The following ADGRL2 variants were observed in gnomAD, a reference collection of about 807,000 sequenced individuals.
ADGRL2 encodes the protein calcium-independent alpha-latrotoxin receptor 2.
A neutral mutation model predicts 157.4 loss-of-function variants in ADGRL2; 44 were observed. That is an observed-to-expected ratio of 0.28 (90% confidence interval 0.22 to 0.36). ADGRL2 has a LOEUF of 0.36. ADGRL2 is among the 10% of genes least tolerant of loss of function. The pLI is 1.00. For missense variants in ADGRL2, 1,510 were observed against 1,768.9 expected, an observed-to-expected ratio of 0.85 and a Z score of 2.63; for synonymous variants, 585 against 624.7, an observed-to-expected ratio of 0.94 and a Z score of 0.95.
chr1:81,577,031 G>A (rs571907242), intron 2 of ADGRL2, among the ~76,000 whole-genome samples: 1 of 152,222 alleles, frequency 6.6e-6, no homozygotes, highest in East Asian at 1.9e-4. Flanking sequence ...AAGCTCCTGA[G>A]AATCCTTCCA....
chr1:81,703,599 A>C (rs1226526853), intron 1 of ADGRL2, among the ~76,000 whole-genome samples: 1 of 152,190 alleles, frequency 6.6e-6, no homozygotes, highest in Admixed American at 6.5e-5. Flanking sequence ...AAAGGGTGGA[A>C]ATGACACAGA....
chr1:81,425,782 C>T (rs2077202504), intron 1 of ADGRL2, among the ~76,000 whole-genome samples: 1 of 151,946 alleles, frequency 6.6e-6, no homozygotes. Context: ...ATGGTGAGTA[C>T]CAGAAACTAT....
At chr1:81,488,778 G>T (rs954490660) in intron 2 of ADGRL2, among the ~76,000 whole-genome samples, 1 of 151,744 alleles carries the variant, frequency 6.6e-6, no homozygotes, top group Admixed American at 6.6e-5. Flanking sequence ...GAAAAGAATT[G>T]TCCCTCAAAG....
chr1:81,444,003 G>T (rs1472382086), intron 1 of ADGRL2, among the ~76,000 whole-genome samples: 2 of 152,148 alleles, frequency 1.3e-5, no homozygotes, highest in African/African-American at 4.8e-5. Context: ...CGATGCCCCG[G>T]TAAGTAGTGT....
intron 3 of ADGRL2, among the ~76,000 whole-genome samples, chr1:81,605,684 ATTTAG>A (rs1258197961): frequency 6.6e-6 from 1 of 152,182 alleles, no homozygotes; most frequent in African/African-American, 2.4e-5. Context: ...CCTTGCAGTG[ATTTAG>A]TTTATCTTGG....
intron 2 of ADGRL2, among the ~76,000 whole-genome samples, chr1:81,447,971 G>A (rs2077629370): frequency 6.6e-6 from 1 of 151,636 alleles, no homozygotes; most frequent in African/African-American, 2.4e-5. Context: ...CACCTCCCCT[G>A]TCTCTTCCTC....
At chr1:81,885,528 A>G (rs2094108604) in intron 2 of ADGRL2, among the ~76,000 whole-genome samples, 1 of 152,208 alleles carries the variant, frequency 6.6e-6, no homozygotes, top group East Asian at 1.9e-4. Context: ...ACAGATAGAA[A>G]AGGAAAGGCC....
chr1:81,763,953 C>T (rs1451990572), intron 2 of ADGRL2, among the ~76,000 whole-genome samples: 1 of 152,038 alleles, frequency 6.6e-6, no homozygotes, highest in Non-Finnish European at 1.5e-5. Context: ...TTGCAGTGAG[C>T]CAGGATCGTG....
chr1:81,543,345 A>G (rs1271514749), intron 2 of ADGRL2, among the ~76,000 whole-genome samples: 2 of 151,872 alleles, frequency 1.3e-5, no homozygotes, highest in African/African-American at 4.9e-5. Flanking sequence ...TCATGTGAGG[A>G]CACAAGGAGA....
intron 3 of ADGRL2, among the ~76,000 whole-genome samples, chr1:81,629,151 T>A (rs1365112151): frequency 6.6e-6 from 1 of 152,178 alleles, no homozygotes; most frequent in African/African-American, 2.4e-5. Flanking sequence ...GGGCAAAAGC[T>A]TCATTTATTG....
intron 3 of ADGRL2, among the ~76,000 whole-genome samples, chr1:81,622,930 G>A (rs963110175): frequency 1.5e-4 from 23 of 152,172 alleles, no homozygotes; most frequent in African/African-American, 4.6e-4. Context: ...AGAATTTGAA[G>A]CAACTGTAAA....
chr1:81,532,487 C>A lies in ADGRL2; in HGVS notation c.-247-48389C>A, dbSNP rs2079623924. Among the ~76,000 whole-genome samples the A allele has an allele frequency of 2.0e-5, 3 of 151,532 alleles. No homozygotes were observed. In the South Asian group the frequency reaches 6.2e-4, roughly 31 times the overall value. The stretch of plus-strand genomic sequence containing the variant: ...AGCACTAAGCTTTTATGAATAATAT[C>A]TGAGCTGCAGAGATTACTGTTTCAC... On this transcript the variant is annotated intron_variant, in intron 2 of 24. Transcript: ENST00000370721.
intron 2 of ADGRL2, among the ~76,000 whole-genome samples, chr1:81,890,196 C>G (rs1557853894): frequency 6.6e-6 from 1 of 152,058 alleles, no homozygotes; most frequent in Non-Finnish European, 1.5e-5. Context: ...AGAAGCAGAG[C>G]AGATAGAAGG....
At chr1:81,468,281 T>C (rs564082443) in intron 2 of ADGRL2, among the ~76,000 whole-genome samples, 1 of 152,190 alleles carries the variant, frequency 6.6e-6, no homozygotes, top group Non-Finnish European at 1.5e-5. Context: ...TGCTAATAGC[T>C]CAGCCTTGTC....
chr1:81,678,768 G>A (rs776581141), intron 3 of ADGRL2, among the ~76,000 whole-genome samples: 11 of 152,146 alleles, frequency 7.2e-5, no homozygotes, highest in African/African-American at 1.4e-4. Context: ...TGAATTTAAT[G>A]AGAAGGTTCC....
intron 2 of ADGRL2, among the ~76,000 whole-genome samples, chr1:81,554,862 G>A (rs1025144979): frequency 2.6e-5 from 4 of 152,044 alleles, no homozygotes; most frequent in Non-Finnish European, 5.9e-5. Flanking sequence ...AAGACTATAT[G>A]ATCCCTGTAT....
intron 1 of ADGRL2, among the ~76,000 whole-genome samples, chr1:81,821,654 C>T (rs1401438204): frequency 6.6e-6 from 1 of 152,016 alleles, no homozygotes; most frequent in African/African-American, 2.4e-5. Context: ...TTCATACATT[C>T]GAGCTGTAGG....
intron 1 of ADGRL2, chr1:81,427,655 G>T (rs1208582844): frequency 1.9e-6 from 1 of 523,294 alleles, no homozygotes; most frequent in Non-Finnish European, 3.5e-6. Flanking sequence ...GAGAGAGAGA[G>T]AAATTGTTAG....
At chr1:81,310,400 G>A (rs1659664490) in intron 1 of ADGRL2, among the ~76,000 whole-genome samples, 1 of 152,136 alleles carries the variant, frequency 6.6e-6, no homozygotes, top group South Asian at 2.1e-4. Flanking sequence ...TATTTGACCT[G>A]TGGATATCAG....
Sources: gnomAD v4.1 joint callset for allele counts (sites outside exome capture counted in the v4.1 genomes callset) on GRCh38, gnomAD v4.1.1 for gene constraint, MANE v1.5 for transcripts, NCBI Gene and HGNC (gene_info 2026-07-23, HGNC 2026-07-21) for gene names.